Variants in LRMDA observed in about 807,000 individuals in gnomAD.
The protein encoded by LRMDA is leucine rich melanocyte differentiation associated.
A neutral mutation model predicts 29.8 loss-of-function variants in LRMDA; 18 were observed. That is an observed-to-expected ratio of 0.60 (90% confidence interval 0.42 to 0.90). The LOEUF (loss-of-function observed/expected upper bound fraction) is 0.90, where lower values mean the gene tolerates loss of function less well. LRMDA is among the 40% of genes least tolerant of loss of function. LRMDA has a pLI of 0.00. For synonymous variants in LRMDA, 125 were observed against 109.4 expected, an observed-to-expected ratio of 1.14 and a Z score of -0.89; for missense variants, 273 against 273.9, an observed-to-expected ratio of 1.00 and a Z score of 0.02.
At chr10:76,228,304 G>A (rs183236387) in intron 5 of LRMDA, among the ~76,000 whole-genome samples, 38 of 152,166 alleles carry the variant, frequency 2.5e-4, no homozygotes, top group African/African-American at 7.5e-4. Flanking sequence ...GAGCTACCAC[G>A]CCCGGCAGGA....
intron 2 of LRMDA, among the ~76,000 whole-genome samples, chr10:75,689,099 G>A (rs548319064): frequency 1.1e-4 from 17 of 152,004 alleles, no homozygotes; most frequent in African/African-American, 4.1e-4. Context: ...GGTTTGGAAC[G>A]AAACCTGGAA....
chr10:75,449,322 G>A (rs1589147463), intron 2 of LRMDA, among the ~76,000 whole-genome samples: 2 of 152,276 alleles, frequency 1.3e-5, no homozygotes, highest in East Asian at 1.9e-4. Flanking sequence ...AAGCAACTGA[G>A]GCCCAGAGAA....
intron 2 of LRMDA, among the ~76,000 whole-genome samples, chr10:75,764,011 T>A (rs905384559): frequency 6.6e-6 from 1 of 152,148 alleles, no homozygotes; most frequent in Non-Finnish European, 1.5e-5. Context: ...TCCATCATAA[T>A]CAGGAGACTT....
intron 2 of LRMDA, among the ~76,000 whole-genome samples, chr10:75,581,585 T>A (rs1352504214): frequency 6.6e-6 from 1 of 152,148 alleles, no homozygotes; most frequent in Non-Finnish European, 1.5e-5. Context: ...CAAAGGATTA[T>A]AAGTCATTGT....
chr10:76,028,942 G>A (rs1848106455), intron 2 of LRMDA, among the ~76,000 whole-genome samples: 2 of 150,442 alleles, frequency 1.3e-5, no homozygotes, highest in South Asian at 2.1e-4. Context: ...TCAGCCTCCC[G>A]AGTAGCTGGG....
At chr10:75,833,432 C>G (rs1016616447) in intron 2 of LRMDA, among the ~76,000 whole-genome samples, 1 of 148,270 alleles carries the variant, frequency 6.7e-6, no homozygotes, top group Non-Finnish European at 1.5e-5. Context: ...GTGATTGGAG[C>G]CTTTTCCTCC....
At chr10:76,110,977 C>A (rs182646319) in intron 5 of LRMDA, among the ~76,000 whole-genome samples, 76 of 152,294 alleles carry the variant, frequency 5.0e-4, no homozygotes, top group Admixed American at 2.0e-3. Flanking sequence ...TACTCATCTA[C>A]TTTTTAGTCC....
At chr10:75,768,230 A>G (rs1843194430) in intron 2 of LRMDA, among the ~76,000 whole-genome samples, 1 of 152,218 alleles carries the variant, frequency 6.6e-6, no homozygotes, top group East Asian at 1.9e-4. Context: ...TTGGATTGGC[A>G]TTATTATTAG....
intron 2 of LRMDA, among the ~76,000 whole-genome samples, chr10:75,667,089 A>G (rs1259134643): frequency 6.6e-6 from 1 of 152,144 alleles, no homozygotes; most frequent in Non-Finnish European, 1.5e-5. Context: ...TCTTTTTGAA[A>G]CTGTGTGCTA....
At chr10:76,526,826 T>A (rs1295409259) in intron 6 of LRMDA, among the ~76,000 whole-genome samples, 1 of 90,946 alleles carries the variant, frequency 1.1e-5, no homozygotes, top group Non-Finnish European at 2.0e-5. Context: ...CTCTGGGGAC[T>A]GTTGTGGGGT....
intron 5 of LRMDA, among the ~76,000 whole-genome samples, chr10:76,320,466 A>G (rs1840757318): frequency 6.6e-6 from 1 of 152,164 alleles, no homozygotes; most frequent in African/African-American, 2.4e-5. Context: ...CAGAAATGGG[A>G]TATTTCATCA....
At chr10:76,487,020 G>A (rs757840395) in intron 6 of LRMDA, among the ~76,000 whole-genome samples, 6 of 151,930 alleles carry the variant, frequency 3.9e-5, no homozygotes, top group Non-Finnish European at 7.4e-5. Context: ...TAGATTAAGG[G>A]CAATCTACTC....
At chr10:76,089,285 A>T (rs1564649760) in intron 5 of LRMDA, among the ~76,000 whole-genome samples, 1 of 152,226 alleles carries the variant, frequency 6.6e-6, no homozygotes. Flanking sequence ...GTCTGACTCC[A>T]AAGCCTGCAT....
At chr10:75,621,609 C>T (rs1841187379) in intron 2 of LRMDA, among the ~76,000 whole-genome samples, 1 of 152,188 alleles carries the variant, frequency 6.6e-6, no homozygotes, top group Non-Finnish European at 1.5e-5. Flanking sequence ...GAATTGCCGT[C>T]TCCTGGTGGT....
chr10:75,517,178 T>C (rs2132035272), intron 2 of LRMDA, among the ~76,000 whole-genome samples: 1 of 152,248 alleles, frequency 6.6e-6, no homozygotes, highest in African/African-American at 2.4e-5. Flanking sequence ...GTCTTGGCAA[T>C]GCGGGCTCTT....
chr10:76,494,261 C>T (rs368703709), intron 6 of LRMDA, among the ~76,000 whole-genome samples: 1 of 150,594 alleles, frequency 6.6e-6, no homozygotes, highest in Admixed American at 6.6e-5. Context: ...ACTTTCTGAT[C>T]GTAGGTAGAG....
chr10:75,967,390 A>G (rs918279519), intron 2 of LRMDA, among the ~76,000 whole-genome samples: 1 of 152,098 alleles, frequency 6.6e-6, no homozygotes, highest in Non-Finnish European at 1.5e-5. Context: ...TTTTGCATTG[A>G]TTATTATAAC....
intron 2 of LRMDA, among the ~76,000 whole-genome samples, chr10:75,766,523 C>T (rs1432254583): frequency 6.6e-6 from 1 of 152,140 alleles, no homozygotes; most frequent in Non-Finnish European, 1.5e-5. Context: ...TCTGCTTCTT[C>T]CTTCCGAACC....
At position 75,431,683 on chromosome 10, in the gene LRMDA, C is replaced by A. The variant is rs55922628; in HGVS notation, c.-42C>A. On this transcript the variant is annotated 5_prime_UTR_variant, in exon 1 of 7. Coordinates refer to ENST00000611255, the MANE Select transcript of LRMDA (RefSeq NM_001305581.2). ...CGCGCTCCCCGCTGCTGCCGCCGCGCCCCCGCGCTCCGTCCCGCGCGCCCG... is the reference window on the plus strand; with the variant it reads ...CGCGCTCCCCGCTGCTGCCGCCGCGACCCCGCGCTCCGTCCCGCGCGCCCG... The A allele has an allele frequency of 0.59, 741,786 of 1,267,052 alleles. 222,496 individuals are homozygous for A. Among genetic ancestry groups the A allele is most frequent in the Middle Eastern group, 0.64 (2,100 of 3,298 alleles). The allele number at this position is 1,267,052 out of a possible 1,614,324, so 78.5% of individuals were successfully genotyped here.
Sources: allele counts gnomAD v4.1 joint callset (sites outside exome capture counted in the v4.1 genomes callset), GRCh38; gene constraint gnomAD v4.1.1; transcripts MANE v1.5; gene names NCBI Gene and HGNC (gene_info 2026-07-23, HGNC 2026-07-21).